The following SNAI3 variants were observed in gnomAD, a reference collection of about 807,000 sequenced individuals.
The protein encoded by SNAI3 is snail family transcriptional repressor 3, also known as zinc finger protein SNAI3.
Under a neutral mutation model 16.4 loss-of-function variants are expected in SNAI3, and 21 were observed. The ratio of observed to expected loss-of-function variants is 1.28; its 90% confidence interval spans 0.91 to 1.85. The LOEUF is 1.85. Among genes scored for constraint, SNAI3 ranks in the 40% most tolerant of loss-of-function variants. The probability of loss-of-function intolerance (pLI) is 0.00; values close to 1 mark genes in which losing one functional copy is unlikely to be tolerated. For missense variants in SNAI3, 457 were observed against 372.8 expected (o/e 1.23, Z -1.86); for synonymous variants, 202 against 166.6 (o/e 1.21, Z -1.64).
chr16:88,681,244 A>C lies in SNAI3; in HGVS notation c.547T>G (p.Phe183Val). ...TCCTTGTCGCAGTACTTGCAGGTGA[A>C]GACACGCCCCACCTGCAGGTGGCAG... ...LHCHLQVGRVFTCKYCDKEYT... is the reference protein window; with the variant it reads ...LHCHLQVGRVVTCKYCDKEYT... Residue 183 changes from phenylalanine to valine, a missense_variant, in exon 2 of 3, where the codon TTC becomes GTC. By Grantham distance (50) the Phe-to-Val change is conservative (BLOSUM62 -1). Transcript: ENST00000332281. This position sits in a 1 kb window ranked among gnomAD's most constrained non-coding sequence, Gnocchi z 5.4. The C allele has an allele frequency of 6.2e-7, 1 of 1,613,638 alleles. No individual in the cohort carries two copies. The highest frequency in any genetic ancestry group is 8.5e-7 in the Non-Finnish European group (1 of 1,180,002).
At chr16:88,679,157 A>T in intron 2 of SNAI3, 1 of 947,798 alleles carries the variant, frequency 1.1e-6, no homozygotes. Flanking sequence ...CTCAGCCTGC[A>T]GCCCCTGAGG....
rs1909185408 is a variant in SNAI3, at chr16:88,681,852, A to G, written c.77-138T>C. ...GAGGTGTAGCCGGGAACCTGCATGC[A>G]GACCCAGCTTGCAAGGGAGCTGGCG... On this transcript the variant is annotated intron_variant, in intron 1 of 2. Coordinates refer to ENST00000332281, the MANE Select transcript of SNAI3 (RefSeq NM_178310.4). This position sits in a 1 kb window ranked among gnomAD's most constrained non-coding sequence, Gnocchi z 5.4. 2.0e-6 allele frequency: 2 copies of G among 1,014,090 alleles called. No individual in the cohort carries two copies. The highest frequency in any genetic ancestry group is 7.5e-5 in the Admixed American group (2 of 26,528). The allele number at this position is 1,014,090 out of a possible 1,614,324, so 62.8% of individuals were successfully genotyped here. A position where few individuals can be genotyped will look rare whatever the true frequency, so the allele number is the denominator to read the frequency against.
rs147889975 is a variant in SNAI3 at position 88,682,581 on chromosome 16, G to A, written c.77-867C>T. 6.0e-3 allele frequency among the ~76,000 whole-genome samples: 919 copies of A among 152,204 alleles called. 9 individuals carry two copies. The highest frequency in any genetic ancestry group is 0.021 in the African/African-American group (866 of 41,522). On this transcript the variant is annotated intron_variant, in intron 1 of 2. Transcript: ENST00000332281. The stretch of plus-strand genomic sequence containing the variant: ...TCTATATGTGTTAAAATGGATCTCT[G>A]GCTCTGTTTCTACCTCCATGCTGAG...
Position 88,681,197 on chromosome 16 carries a change from G to C in SNAI3, c.594C>G (p.Leu198=). 1 of 1,613,868 alleles carries C rather than the reference G, an allele frequency of 6.2e-7. No homozygotes were observed. ...CDKEYTSLGA[L]KMHIRTHTLP... is the part of the protein sequence containing the mutation. ...GCGTGTGAGTGCGGATGTGCATCTT[G>C]AGGGCACCCAGGCTGGTGTACTCCT... The change falls in exon 2 of 3, where the codon CTC becomes CTG. Residue 198 remains leucine, a synonymous_variant. Transcript: ENST00000332281. The surrounding 1 kb of genome is among the most constrained non-coding windows in gnomAD (Gnocchi z 5.4).
chr16:88,682,055 C>T (rs992338746), intron 1 of SNAI3, among the ~76,000 whole-genome samples: 15 of 152,174 alleles, frequency 9.9e-5, no homozygotes, highest in African/African-American at 1.9e-4. Context: ...CTTTACGCCT[C>T]GGCTGGGCAG....
In SNAI3 at chr16:88,686,357, TTGG is replaced by T. The variant is rs1248150694; in HGVS notation, c.47_49del (p.Pro16_Asn17delinsHis). The T allele has an allele frequency of 1.2e-6, 2 of 1,612,330 alleles. No individual in the cohort carries two copies. The highest frequency in any genetic ancestry group is 1.7e-6 in the Non-Finnish European group (2 of 1,179,672). ...TCTCTGCGTCTCCAGCCGCCGGTAG[TTGG>T]GGACCCTGTGGCTGGAGTGCGTTTT... On this transcript the variant is annotated inframe_deletion, in exon 1 of 3. Transcript: ENST00000332281.
Position 88,681,452 on chromosome 16 carries a change from G to A in SNAI3, c.339C>T (p.Asn113=). 2 of 1,600,260 alleles carry A rather than the reference G, an allele frequency of 1.2e-6. No homozygotes were observed. Among genetic ancestry groups the A allele is most frequent in the Non-Finnish European group, 1.7e-6 (2 of 1,170,336 alleles). Residue 113 remains asparagine, a synonymous_variant, in exon 2 of 3, where the codon AAC becomes AAT. Transcript: ENST00000332281. The surrounding 1 kb of genome is among the most constrained non-coding windows in gnomAD (Gnocchi z 5.4). The part of the protein sequence containing the change: ...VPLKDSLNHL[N]LPPLLVLPTR... ...TGGGCAGCACCAGCAGTGGGGGCAGGTTGAGGTGGTTCAGGCTGTCTTTGA... is the reference window on the plus strand; with the variant it reads ...TGGGCAGCACCAGCAGTGGGGGCAGATTGAGGTGGTTCAGGCTGTCTTTGA...
At chr16:88,683,319 G>A (rs1336734416) in intron 1 of SNAI3, among the ~76,000 whole-genome samples, 4 of 150,218 alleles carry the variant, frequency 2.7e-5, no homozygotes, top group East Asian at 3.9e-4. Flanking sequence ...GCGATGGCAC[G>A]ATCTGGGCTC....
chr16:88,682,762 A>ATCTTTTTTT (rs1909218039), intron 1 of SNAI3, among the ~76,000 whole-genome samples: 1 of 60,654 alleles, frequency 1.6e-5, no homozygotes, highest in Non-Finnish European at 3.0e-5. Context: ...TGGGCAAGGG[A>ATCTTTTTTT]TTTTTTTTTT....
At chr16:88,680,346 C>T (rs1909125028) in intron 2 of SNAI3, among the ~76,000 whole-genome samples, 1 of 119,240 alleles carries the variant, frequency 8.4e-6, no homozygotes, top group African/African-American at 3.2e-5. Flanking sequence ...AGGGCAGTGG[C>T]GCAATCTTGG....
Position 88,686,374 on chromosome 16 carries a change from G to C in SNAI3, c.33C>G (p.Ser11=). 1 of 1,612,252 alleles carries C rather than the reference G, an allele frequency of 6.2e-7. No homozygotes were observed. The highest frequency in any genetic ancestry group is 8.5e-7 in the Non-Finnish European group (1 of 1,179,704). MPRSFLVKTH[S]SHRVPNYRRL... ...GCCGGTAGTTGGGGACCCTGTGGCTGGAGTGCGTTTTCACCAGGAAGGAGC... is the reference window on the plus strand; with the variant it reads ...GCCGGTAGTTGGGGACCCTGTGGCTCGAGTGCGTTTTCACCAGGAAGGAGC... Residue 11 remains serine (S), a synonymous_variant, in exon 1 of 3, where the codon TCC becomes TCG. Coordinates refer to ENST00000332281, the MANE Select transcript of SNAI3 (RefSeq NM_178310.4).
intron 1 of SNAI3, among the ~76,000 whole-genome samples, chr16:88,682,134 T>C (rs1909195138): frequency 6.6e-6 from 1 of 152,176 alleles, no homozygotes. Flanking sequence ...CAGGTGCCCA[T>C]GCAGCAGCCA....
rs1042993602 is a variant in SNAI3, at chr16:88,678,289, G to A, written c.*159C>T. On this transcript the variant is annotated 3_prime_UTR_variant, in exon 3 of 3. Transcript: ENST00000332281. ...AGTGTCCTCCGGCCCAGTGGCCCCCGCTGGACTTCTTTGGTTCTGATTGGA... is the reference window on the plus strand; with the variant it reads ...AGTGTCCTCCGGCCCAGTGGCCCCCACTGGACTTCTTTGGTTCTGATTGGA... 56 of 574,784 alleles carry A rather than the reference G, an allele frequency of 9.7e-5. No homozygotes were observed. The highest frequency in any genetic ancestry group is 1.2e-4 in the Non-Finnish European group (39 of 324,152). 35.6% of individuals were successfully genotyped at this position (574,784 alleles called of 1,614,324 possible).
chr16:88,683,927 C>T (rs187744107), intron 1 of SNAI3, among the ~76,000 whole-genome samples: 3,778 of 152,276 alleles, frequency 0.025, 118 homozygotes, highest in African/African-American at 0.068. Context: ...TGCAAAGATG[C>T]TCAATGCCAT....
intron 1 of SNAI3, among the ~76,000 whole-genome samples, chr16:88,682,592 T>C (rs1909211785): frequency 6.6e-6 from 1 of 152,194 alleles, no homozygotes; most frequent in Non-Finnish European, 1.5e-5. Flanking sequence ...GCTCTGTTTC[T>C]ACCTCCATGC....
chr16:88,685,549 C>T (rs765656637), intron 1 of SNAI3: 1 of 152,290 alleles, frequency 6.6e-6, no homozygotes, highest in African/African-American at 2.4e-5. Context: ...GGGGACTGCT[C>T]TCACCGCCCG....
Position 88,681,733 on chromosome 16 carries a change from G to C in SNAI3, c.77-19C>G. On this transcript the variant is annotated intron_variant, in intron 1 of 2. Coordinates refer to ENST00000332281, the MANE Select transcript of SNAI3 (RefSeq NM_178310.4). This position sits in a 1 kb window ranked among gnomAD's most constrained non-coding sequence, Gnocchi z 5.4. The stretch of plus-strand genomic sequence containing the variant: ...TTGATTTCTAGAGGGGTGGAGGGGA[G>C]AGAATAGAAAGATGAAGACTGAATC... The C allele has an allele frequency of 1.4e-6, 2 of 1,419,908 alleles. No individual in the cohort carries two copies. The highest frequency in any genetic ancestry group is 1.9e-5 in the South Asian group (1 of 54,052). The allele number at this position is 1,419,908 out of a possible 1,614,324, so 88.0% of individuals were successfully genotyped here.
intron 1 of SNAI3, among the ~76,000 whole-genome samples, chr16:88,684,835 G>C (rs1029210634): frequency 6.6e-6 from 1 of 152,176 alleles, no homozygotes; most frequent in Non-Finnish European, 1.5e-5. Flanking sequence ...GGTTCCCTGG[G>C]GAGCCATAGG....
intron 1 of SNAI3, among the ~76,000 whole-genome samples, chr16:88,684,422 T>G (rs1019026894): frequency 1.3e-5 from 2 of 152,230 alleles, no homozygotes; most frequent in African/African-American, 4.8e-5. Context: ...TTTTAAATGC[T>G]TTCCCCATAC....
Sources: gnomAD v4.1 joint callset for allele counts (sites outside exome capture counted in the v4.1 genomes callset) on GRCh38, gnomAD v4.1.1 for gene constraint, Gnocchi (gnomAD v3.1) non-coding constraint, MANE v1.5 for transcripts, NCBI Gene and HGNC (gene_info 2026-07-23, HGNC 2026-07-21) for gene names.